Variants in FAM107B observed in about 807,000 individuals in gnomAD.
FAM107B encodes protein FAM107B.
FAM107B carries 21 observed loss-of-function variants against 31.5 expected under a neutral mutation model. The observed-to-expected ratio is 0.67, with a 90% CI of 0.47 to 0.96. FAM107B has a LOEUF of 0.96. Among genes scored for constraint, FAM107B ranks in the 40% least tolerant of loss-of-function variants. The probability of loss-of-function intolerance (pLI) is 0.00; values close to 1 mark genes in which losing one functional copy is unlikely to be tolerated. For synonymous variants in FAM107B, 157 were observed against 141.5 expected (o/e 1.11, Z -0.78); for missense variants, 452 against 377.1 (o/e 1.20, Z -1.64).
At chr10:14,566,497 G>T (rs868138119) in intron 2 of FAM107B, among the ~76,000 whole-genome samples, 3 of 152,274 alleles carry the variant, frequency 2.0e-5, no homozygotes, top group African/African-American at 4.8e-5. Flanking sequence ...CTCTTCCTCA[G>T]TCGAGCCTCT....
At chr10:14,589,277 A>G (rs1851944198) in intron 2 of FAM107B, among the ~76,000 whole-genome samples, 1 of 152,186 alleles carries the variant, frequency 6.6e-6, no homozygotes, top group Admixed American at 6.5e-5. Flanking sequence ...GACATTTATC[A>G]AAAGAAAGAA....
intron 1 of FAM107B, among the ~76,000 whole-genome samples, chr10:14,700,962 G>A (rs1278713165): frequency 6.6e-6 from 1 of 151,616 alleles, no homozygotes; most frequent in African/African-American, 2.4e-5. Flanking sequence ...AATCCAGCAA[G>A]AGCTTTCTCT....
At chr10:14,736,378 A>G (rs953729349) in intron 1 of FAM107B, among the ~76,000 whole-genome samples, 1 of 152,248 alleles carries the variant, frequency 6.6e-6, no homozygotes, top group African/African-American at 2.4e-5. Context: ...TCAACTTGTC[A>G]GCCTATTTAT....
chr10:14,632,357 A>G (rs1352797952), intron 2 of FAM107B, among the ~76,000 whole-genome samples: 1 of 149,326 alleles, frequency 6.7e-6, no homozygotes, highest in Non-Finnish European at 1.5e-5. Context: ...CACGCCTGTA[A>G]TCCCAGCACT....
chr10:14,681,510 T>C (rs1454397884), intron 1 of FAM107B, among the ~76,000 whole-genome samples: 1 of 152,140 alleles, frequency 6.6e-6, no homozygotes, highest in South Asian at 2.1e-4. Context: ...CCTACATCCA[T>C]ATACAGGGTT....
At chr10:14,546,089 G>A (rs1848668395) in intron 2 of FAM107B, among the ~76,000 whole-genome samples, 1 of 151,658 alleles carries the variant, frequency 6.6e-6, no homozygotes, top group Non-Finnish European at 1.5e-5. Flanking sequence ...TTCAAAAGAA[G>A]AGACTATCTT....
intron 1 of FAM107B, among the ~76,000 whole-genome samples, chr10:14,693,376 G>A (rs2131512717): frequency 6.6e-6 from 1 of 151,928 alleles, no homozygotes; most frequent in South Asian, 2.1e-4. Flanking sequence ...TACTTGGGAC[G>A]CTGAGGCAGG....
chr10:14,714,278 T>C (rs891953588), intron 1 of FAM107B, among the ~76,000 whole-genome samples: 3 of 152,162 alleles, frequency 2.0e-5, no homozygotes, highest in Non-Finnish European at 4.4e-5. Context: ...AGGAGGGGGC[T>C]GGGTGGAGGC....
intron 2 of FAM107B, chr10:14,602,999 C>CCACA (rs10546149): frequency 0.34 from 49,938 of 146,658 alleles, 8,823 homozygotes; most frequent in Middle Eastern, 0.41. Flanking sequence ...ACCCTCTTTC[C>CCACA]CACACACACA....
intron 1 of FAM107B, among the ~76,000 whole-genome samples, chr10:14,707,058 G>A (rs764269002): frequency 2.7e-4 from 41 of 152,062 alleles, no homozygotes; most frequent in Admixed American, 1.8e-3. Flanking sequence ...CCGGGAAGGC[G>A]GAGGTTGCAG....
At chr10:14,716,257 G>C (rs149203027) in intron 1 of FAM107B, among the ~76,000 whole-genome samples, 1 of 152,108 alleles carries the variant, frequency 6.6e-6, no homozygotes, top group Non-Finnish European at 1.5e-5. Context: ...TTCTAGCTTC[G>C]GGCCTATCCT....
intron 2 of FAM107B, among the ~76,000 whole-genome samples, chr10:14,565,861 TCA>T (rs1850620750): frequency 6.6e-6 from 1 of 152,100 alleles, no homozygotes; most frequent in Non-Finnish European, 1.5e-5. Context: ...GGGGGATGTT[TCA>T]CAGAGGAGGA....
intron 2 of FAM107B, among the ~76,000 whole-genome samples, chr10:14,611,817 T>A (rs1261354943): frequency 6.6e-6 from 1 of 151,950 alleles, no homozygotes; most frequent in Non-Finnish European, 1.5e-5. Flanking sequence ...CATTCATTTA[T>A]AAATATGTAT....
chr10:14,669,883 TAAC>T (rs371480754), intron 1 of FAM107B, among the ~76,000 whole-genome samples: 2 of 152,332 alleles, frequency 1.3e-5, no homozygotes, highest in East Asian at 3.8e-4. Flanking sequence ...TGACTACAGT[TAAC>T]AACAATGTAT....
At chr10:14,576,932 G>A (rs1851483471) in intron 2 of FAM107B, among the ~76,000 whole-genome samples, 10 of 152,080 alleles carry the variant, frequency 6.6e-5, no homozygotes, top group Admixed American at 4.6e-4. Flanking sequence ...TATTAAACAC[G>A]ACGAAAAAAC....
chr10:14,544,153 A>C (rs1848493637), intron 2 of FAM107B, among the ~76,000 whole-genome samples: 1 of 152,178 alleles, frequency 6.6e-6, no homozygotes, highest in Admixed American at 6.5e-5. Flanking sequence ...TATTTAACCA[A>C]AAGTCTGTAT....
intron 1 of FAM107B, among the ~76,000 whole-genome samples, chr10:14,696,876 A>G (rs1855278760): frequency 6.6e-6 from 1 of 152,108 alleles, no homozygotes; most frequent in Non-Finnish European, 1.5e-5. Context: ...CTGTGGTTCA[A>G]TTTCAGTGAT....
At chr10:14,545,669 CTTCTT>C (rs1226904411) in intron 2 of FAM107B, among the ~76,000 whole-genome samples, 1 of 152,202 alleles carries the variant, frequency 6.6e-6, no homozygotes, top group African/African-American at 2.4e-5. Flanking sequence ...TTTTGATTGA[CTTCTT>C]TTCCTTTTTT....
chr10:14,721,800 G>A (rs1855918581), intron 1 of FAM107B, among the ~76,000 whole-genome samples: 1 of 152,186 alleles, frequency 6.6e-6, no homozygotes, highest in Admixed American at 6.5e-5. Context: ...TAGGTTGCCT[G>A]TTCACTCTGA....
Sources: gnomAD v4.1 joint callset for allele counts (sites outside exome capture counted in the v4.1 genomes callset) on GRCh38, gnomAD v4.1.1 for gene constraint, MANE v1.5 for transcripts, NCBI Gene and HGNC (gene_info 2026-07-23, HGNC 2026-07-21) for gene names.